The following EMP2 variants were observed in gnomAD, a reference collection of about 807,000 sequenced individuals.
The protein encoded by EMP2 is epithelial membrane protein 2.
In EMP2, 19 loss-of-function variants were observed where a neutral mutation model predicts 13.7. The ratio of observed to expected loss-of-function variants is 1.38; its 90% CI spans 0.97 to 2.03. EMP2 has a LOEUF of 2.03. EMP2 is among the 30% of genes most tolerant of loss of function. EMP2 has a pLI of 0.00. For synonymous variants in EMP2, 97 were observed against 84.7 expected (o/e 1.15, Z -0.80); for missense variants, 253 against 220.7 (o/e 1.15, Z -0.93).
chr16:10,570,882 G>A (rs562285096), intron 1 of EMP2, among the ~76,000 whole-genome samples: 3 of 152,142 alleles, frequency 2.0e-5, no homozygotes, highest in Admixed American at 2.0e-4. Context: ...AGAATTAGCT[G>A]GACAGAAAGA....
intron 4 of EMP2, 85 bp downstream of exon 4, chr16:10,537,843 T>C: frequency 6.4e-7 from 1 of 1,555,140 alleles, no homozygotes; most frequent in Non-Finnish European, 8.7e-7. Flanking sequence ...AAATTCTCCC[T>C]CCTCCTGGCT....
At chr16:10,535,486 A>G (rs2050639848) in intron 4 of EMP2, among the ~76,000 whole-genome samples, 1 of 152,114 alleles carries the variant, frequency 6.6e-6, no homozygotes, top group Non-Finnish European at 1.5e-5. Context: ...CGGAATCCCA[A>G]CACTTTGAGA....
At chr16:10,547,770 T>C (rs1446346453) in intron 1 of EMP2, 93 bp from the exon 2 acceptor site, 6 of 708,562 alleles carry the variant, frequency 8.5e-6, no homozygotes, top group African/African-American at 1.8e-5. Flanking sequence ...GCGTGGTGGC[T>C]CATGCCTATA....
chr16:10,571,235 G>A (rs572619057), intron 1 of EMP2, among the ~76,000 whole-genome samples: 1 of 118,688 alleles, frequency 8.4e-6, no homozygotes, highest in Non-Finnish European at 1.6e-5. Context: ...CCAGCCTGGT[G>A]ACAGAGCAAG....
chr16:10,575,905 G>C lies in EMP2; in HGVS notation c.-61+4644C>G, dbSNP rs529733794. 4.1e-4 allele frequency among the ~76,000 whole-genome samples: 62 copies of C among 152,060 alleles called. 1 individual carries two copies. The highest frequency in any genetic ancestry group is 1.4e-3 in the African/African-American group (59 of 41,458). Reference sequence around the variant, plus strand: ...CATAGGGGCCTCTTTGCAAAAGAAGGGCTTGGTCTGGAAGCTCTCAGATAT... The same window carrying C: ...CATAGGGGCCTCTTTGCAAAAGAAGCGCTTGGTCTGGAAGCTCTCAGATAT... On this transcript the variant is annotated intron_variant, in intron 1 of 4. Coordinates refer to ENST00000359543, the MANE Select transcript of EMP2 (RefSeq NM_001424.6).
At chr16:10,555,349 T>C (rs2050819587) in intron 1 of EMP2, among the ~76,000 whole-genome samples, 1 of 152,188 alleles carries the variant, frequency 6.6e-6, no homozygotes. Flanking sequence ...AAGCAGAACA[T>C]TCTAAAAGGC....
rs1567199073 is a variant in EMP2 at position 10,532,744 on chromosome 16, TTTTTTTC to T, written c.*154_*160del. 1.6e-5 allele frequency: 6 copies of T among 369,974 alleles called. No individual in the cohort carries two copies. Among genetic ancestry groups the T allele is most frequent in the Admixed American group, 7.4e-5 (1 of 13,466 alleles). The allele number at this position is 369,974 out of a possible 1,614,324, so 22.9% of individuals were successfully genotyped here. A position where few individuals can be genotyped will look rare whatever the true frequency, so the allele number is the denominator to read the frequency against. ...AAAAACTCTTCTCTCTTTTGGATTT[TTTTTTTC>T]TTTTTTCTTTTTTTTTTTTTTTTTT... On this transcript the variant is annotated 3_prime_UTR_variant, in exon 5 of 5. Coordinates refer to ENST00000359543, the MANE Select transcript of EMP2 (RefSeq NM_001424.6).
At chr16:10,574,421 C>G (rs1596383642) in intron 1 of EMP2, among the ~76,000 whole-genome samples, 2 of 151,236 alleles carry the variant, frequency 1.3e-5, no homozygotes, top group African/African-American at 4.9e-5. Flanking sequence ...GGGAAGCCCA[C>G]TTCACACTGT....
chr16:10,549,997 T>C (rs1337873741), intron 1 of EMP2, among the ~76,000 whole-genome samples: 1 of 150,226 alleles, frequency 6.7e-6, no homozygotes, highest in Non-Finnish European at 1.5e-5. Context: ...GTGATTCTCC[T>C]GCCTCAGCCT....
intron 4 of EMP2, among the ~76,000 whole-genome samples, chr16:10,536,829 C>T (rs2050650497): frequency 6.6e-6 from 1 of 152,118 alleles, no homozygotes; most frequent in Non-Finnish European, 1.5e-5. Context: ...CTATGTTGCC[C>T]AGGCTGGTCT....
intron 4 of EMP2, among the ~76,000 whole-genome samples, chr16:10,535,503 C>T (rs1182943967): frequency 2.0e-5 from 3 of 152,072 alleles, no homozygotes; most frequent in Admixed American, 6.5e-5. Flanking sequence ...GAGAGGCTGA[C>T]GCTGGCAGAT....
Position 10,538,024 on chromosome 16 carries a change from G to T in EMP2, c.220C>A (p.Leu74Ile), listed in dbSNP as rs1239895919. Residue 74 changes from leucine to isoleucine, a missense_variant, in exon 4 of 5, where the codon CTC becomes ATC. Leu to Ile is a conservative substitution (Grantham distance 5). Transcript: ENST00000359543. ...AAGATGAAGAAGGCGATGCAGCAGA[G>T]AATGGTGGAGAGGATCATGGTGGCC... Reference protein sequence around the residue: ...VQATMILSTILCCIAFFIFVL... With the variant: ...VQATMILSTIICCIAFFIFVL... The T allele has an allele frequency of 6.2e-7, 1 of 1,614,116 alleles. No homozygotes were observed. The highest frequency in any genetic ancestry group is 8.5e-7 in the Non-Finnish European group (1 of 1,180,016).
intron 1 of EMP2, among the ~76,000 whole-genome samples, chr16:10,573,094 GGCT>G (rs1225939963): frequency 2.6e-5 from 4 of 152,148 alleles, no homozygotes; most frequent in Non-Finnish European, 5.9e-5. Context: ...CTGTCACCCA[GGCT>G]AGGGTGCAGT....
Position 10,539,793 on chromosome 16 carries a change from G to A in EMP2, c.170-1719C>T, listed in dbSNP as rs545566533. 4.6e-5 allele frequency among the ~76,000 whole-genome samples: 7 copies of A among 152,222 alleles called. No individual in the cohort carries two copies. The East Asian group carries it at 9.7e-4, about 21-fold the overall frequency. On this transcript the variant is annotated intron_variant, in intron 3 of 4. Coordinates refer to ENST00000359543, the MANE Select transcript of EMP2 (RefSeq NM_001424.6). ...AATCAGAACGTCGGGCATTGAGAGC[G>A]GGCACGAGGGCTTCGTAAAGCCACC...
intron 1 of EMP2, among the ~76,000 whole-genome samples, chr16:10,574,032 G>C (rs1055401426): frequency 1.6e-4 from 24 of 148,736 alleles, no homozygotes; most frequent in African/African-American, 5.7e-4. Context: ...CCATCTCCTG[G>C]GTTCAAGCGA....
At chr16:10,559,535 T>A (rs1321437970) in intron 1 of EMP2, among the ~76,000 whole-genome samples, 1 of 152,258 alleles carries the variant, frequency 6.6e-6, no homozygotes, top group African/African-American at 2.4e-5. Flanking sequence ...TCTCTTGGAA[T>A]AATAACAACC....
intron 1 of EMP2, among the ~76,000 whole-genome samples, chr16:10,571,135 T>G (rs904369896): frequency 6.6e-6 from 1 of 151,664 alleles, no homozygotes. Flanking sequence ...TGTGCACCTG[T>G]AGTCCCAGCT....
intron 3 of EMP2, among the ~76,000 whole-genome samples, chr16:10,540,879 G>A (rs1212940786): frequency 6.6e-6 from 1 of 152,098 alleles, no homozygotes; most frequent in Non-Finnish European, 1.5e-5. Context: ...CTTGAGCTCA[G>A]GAGTTCAAGA....
chr16:10,536,116 G>C (rs2050645137), intron 4 of EMP2, among the ~76,000 whole-genome samples: 1 of 152,200 alleles, frequency 6.6e-6, no homozygotes, highest in African/African-American at 2.4e-5. Flanking sequence ...CCTAGAAGGG[G>C]TGGTACCTGG....
Sources: gnomAD v4.1 joint callset for allele counts (sites outside exome capture counted in the v4.1 genomes callset) on GRCh38, gnomAD v4.1.1 for gene constraint, MANE v1.5 for transcripts, NCBI Gene and HGNC (gene_info 2026-07-23, HGNC 2026-07-21) for gene names.